MARK1: variants seen among roughly 807,000 people sequenced by gnomAD.
MARK1 encodes the protein serine/threonine-protein kinase MARK1.
Under a neutral mutation model 96.3 loss-of-function variants are expected in MARK1, and 40 were observed. That is an observed-to-expected ratio of 0.42 (90% CI 0.32 to 0.54). The LOEUF (loss-of-function observed/expected upper bound fraction) is 0.54. Ranked by LOEUF, MARK1 falls within the 20% of genes least tolerant of loss-of-function variation. MARK1 has a pLI of 0.16. For synonymous variants in MARK1, 317 were observed against 341.2 expected, an observed-to-expected ratio of 0.93 and a Z score of 0.78; for missense variants, 719 against 984.6, an observed-to-expected ratio of 0.73 and a Z score of 3.61.
At chr1:220,624,073 G>A (rs989043912) in intron 9 of MARK1, among the ~76,000 whole-genome samples, 6 of 152,090 alleles carry the variant, frequency 3.9e-5, no homozygotes, top group Admixed American at 2.0e-4. Flanking sequence ...CCAAGGGGGC[G>A]GATCACCTAA....
intron 9 of MARK1, among the ~76,000 whole-genome samples, chr1:220,625,464 A>G (rs1257650660): frequency 6.6e-6 from 1 of 152,222 alleles, no homozygotes; most frequent in Non-Finnish European, 1.5e-5. Context: ...AGGTAAACCA[A>G]AATATTACAT....
intron 1 of MARK1, among the ~76,000 whole-genome samples, chr1:220,543,886 C>G (rs1004548585): frequency 6.6e-6 from 1 of 152,124 alleles, no homozygotes; most frequent in African/African-American, 2.4e-5. Context: ...GGAATTCTTA[C>G]ACAGATAGGT....
intron 17 of MARK1, among the ~76,000 whole-genome samples, chr1:220,660,152 C>T (rs1669396830): frequency 6.6e-6 from 1 of 152,174 alleles, no homozygotes; most frequent in Admixed American, 6.5e-5. Context: ...TCTCAGGACC[C>T]TTCCAGGATG....
chr1:220,651,313 C>CT (rs1166784317), intron 14 of MARK1, among the ~76,000 whole-genome samples: 1 of 152,186 alleles, frequency 6.6e-6, no homozygotes, highest in Admixed American at 6.5e-5. Context: ...TTAGTACCAC[C>CT]TTCAGTCATT....
At chr1:220,596,746 A>G (rs1317004424) in intron 3 of MARK1, among the ~76,000 whole-genome samples, 1 of 152,218 alleles carries the variant, frequency 6.6e-6, no homozygotes, top group African/African-American at 2.4e-5. Flanking sequence ...CATTTTAAGT[A>G]TACAATTCAG....
At chr1:220,531,710 T>C (rs1230468308) in intron 1 of MARK1, among the ~76,000 whole-genome samples, 1 of 152,170 alleles carries the variant, frequency 6.6e-6, no homozygotes, top group Admixed American at 6.5e-5. Flanking sequence ...GAGTATTTTC[T>C]TTGATGAAAG....
intron 12 of MARK1, 90 bp from the exon 13 acceptor site, chr1:220,635,743 T>A: frequency 8.1e-7 from 1 of 1,232,116 alleles, no homozygotes; most frequent in Non-Finnish European, 1.1e-6. Context: ...CATGCAAATA[T>A]GGATAATTTT....
intron 1 of MARK1, among the ~76,000 whole-genome samples, chr1:220,558,736 G>A (rs1662464189): frequency 6.6e-6 from 1 of 152,028 alleles, no homozygotes; most frequent in Non-Finnish European, 1.5e-5. Context: ...TGGGCAAATA[G>A]ATGATTTTTA....
At chr1:220,547,633 C>G (rs77420590) in intron 1 of MARK1, among the ~76,000 whole-genome samples, 1 of 152,016 alleles carries the variant, frequency 6.6e-6, no homozygotes, top group African/African-American at 2.4e-5. Flanking sequence ...GGTGCGATCT[C>G]AGCTCACTGC....
rs774069785 is a variant in MARK1 at position 220,662,026 on chromosome 1, G to C, written c.2248G>C (p.Asp750His). Residue 750 changes from aspartate to histidine, a missense_variant, in exon 18 of 18, where the codon GAT becomes CAT. Asp to His is a moderately conservative substitution (Grantham distance 81, BLOSUM62 -1). This residue lies in a region of MARK1 where 501 missense variants were observed against 588.3 expected (regional missense o/e 0.85). Transcript: ENST00000366917. ...LFCVHGDARQ[D>H]SLVQWEMEVC... The stretch of plus-strand genomic sequence containing the variant: ...CTGTGTCCATGGAGACGCTAGACAG[G>C]ATAGCCTCGTGCAGTGGGAGATGGA... 1 of 1,614,198 alleles carries C rather than the reference G, an allele frequency of 6.2e-7. No homozygotes were observed. Among genetic ancestry groups the C allele is most frequent in the Non-Finnish European group, 8.5e-7 (1 of 1,180,034 alleles).
At chr1:220,619,409 G>A (rs1490692949) in intron 9 of MARK1, among the ~76,000 whole-genome samples, 1 of 152,170 alleles carries the variant, frequency 6.6e-6, no homozygotes, top group Non-Finnish European at 1.5e-5. Context: ...GGGAGGCGGC[G>A]CTTGCAGTGA....
chr1:220,580,502 A>G (rs190005152), intron 2 of MARK1, among the ~76,000 whole-genome samples: 1 of 152,112 alleles, frequency 6.6e-6, no homozygotes, highest in East Asian at 1.9e-4. Flanking sequence ...CTCAAAGAAA[A>G]TATTTTTAAT....
Position 220,631,142 on chromosome 1 carries a change from T to C in MARK1, c.1009+8T>C. ...ATGACACAAAAAGAATAGGTAAGTATTTAAACATGGTAAGAAGTGCTGTCC... is the reference window on the plus strand; with the variant it reads ...ATGACACAAAAAGAATAGGTAAGTACTTAAACATGGTAAGAAGTGCTGTCC... On this transcript the variant is annotated splice_region_variant and intron_variant, in intron 10 of 17. Transcript: ENST00000366917. The C allele has an allele frequency of 6.3e-7, 1 of 1,594,964 alleles. No individual in the cohort carries two copies. The highest frequency in any genetic ancestry group is 1.1e-5 in the South Asian group (1 of 90,582).
chr1:220,537,042 A>G (rs554571608), intron 1 of MARK1, among the ~76,000 whole-genome samples: 18 of 151,386 alleles, frequency 1.2e-4, no homozygotes, highest in Non-Finnish European at 2.2e-4. Flanking sequence ...CATTTGTTAC[A>G]TAGGTAAACA....
intron 11 of MARK1, 49 bp from the exon 12 acceptor site, chr1:220,635,327 T>A: frequency 1.2e-6 from 1 of 806,994 alleles, no homozygotes; most frequent in Non-Finnish European, 1.7e-6. Flanking sequence ...GTGCAAACTT[T>A]TTTTTTTTTT....
chr1:220,556,485 C>CAGAAAAAAA (rs1326514729), intron 1 of MARK1, among the ~76,000 whole-genome samples: 1 of 85,822 alleles, frequency 1.2e-5, no homozygotes, highest in African/African-American at 4.6e-5. Context: ...GGGACTGTCA[C>CAGAAAAAAA]AAAAAAAAAA....
At chr1:220,614,957 A>T (rs968832490) in intron 6 of MARK1, among the ~76,000 whole-genome samples, 4 of 152,066 alleles carry the variant, frequency 2.6e-5, no homozygotes, top group Non-Finnish European at 5.9e-5. Flanking sequence ...TTAGACTTTT[A>T]AAAAAATCTC....
chr1:220,573,775 AGTATATT>A (rs1389580582), intron 1 of MARK1, among the ~76,000 whole-genome samples: 1 of 151,816 alleles, frequency 6.6e-6, no homozygotes, highest in Non-Finnish European at 1.5e-5. Context: ...GCAGTATTGT[AGTATATT>A]GTATATTGTA....
intron 1 of MARK1, among the ~76,000 whole-genome samples, chr1:220,559,272 G>A (rs1401945128): frequency 6.6e-6 from 1 of 152,136 alleles, no homozygotes; most frequent in Non-Finnish European, 1.5e-5. Context: ...AGATTGTGGT[G>A]TTGTGGAAGC....
Sources: allele counts gnomAD v4.1 joint callset (sites outside exome capture counted in the v4.1 genomes callset), GRCh38; gene constraint gnomAD v4.1.1; regional missense constraint gnomAD v4.1.1; transcripts MANE v1.5; gene names NCBI Gene and HGNC (gene_info 2026-07-23, HGNC 2026-07-21).